The following GRIP1 variants were observed in gnomAD, a reference collection of about 807,000 sequenced individuals.
The protein encoded by GRIP1 is glutamate receptor interacting protein 1, also known as glutamate receptor-interacting protein 1.
A neutral mutation model predicts 129.9 loss-of-function variants in GRIP1; 45 were observed. The ratio of observed to expected loss-of-function variants is 0.35; its 90% CI spans 0.27 to 0.44. The LOEUF (loss-of-function observed/expected upper bound fraction) is 0.44. Among genes scored for constraint, GRIP1 ranks in the 20% least tolerant of loss-of-function variants. The probability of loss-of-function intolerance (pLI) is 1.00; values close to 1 mark genes in which losing one functional copy is unlikely to be tolerated. For missense variants in GRIP1, 1,196 were observed against 1,396.8 expected (o/e 0.86, Z 2.29); for synonymous variants, 530 against 520.8 (o/e 1.02, Z -0.24).
At chr12:66,422,523 C>T (rs948937738) in intron 14 of GRIP1, among the ~76,000 whole-genome samples, 3 of 152,136 alleles carry the variant, frequency 2.0e-5, no homozygotes, top group African/African-American at 7.2e-5. Context: ...TGAATTGACA[C>T]AATATTTTTG....
chr12:66,670,796 T>C (rs2034044162), intron 1 of GRIP1, among the ~76,000 whole-genome samples: 1 of 152,144 alleles, frequency 6.6e-6, no homozygotes. Flanking sequence ...CAGTCAGATA[T>C]GGTGTCTCTT....
intron 1 of GRIP1, among the ~76,000 whole-genome samples, chr12:66,614,409 C>G (rs1468091117): frequency 6.6e-6 from 1 of 152,014 alleles, no homozygotes; most frequent in Non-Finnish European, 1.5e-5. Context: ...ATAATCACAC[C>G]AAAAACATCT....
intron 1 of GRIP1, among the ~76,000 whole-genome samples, chr12:66,843,447 T>C (rs1432554444): frequency 1.3e-5 from 2 of 152,140 alleles, no homozygotes; most frequent in African/African-American, 4.8e-5. Context: ...ATGGATTTTT[T>C]GGTCAAATTC....
chr12:66,917,933 A>G (rs574120906), intron 1 of GRIP1, among the ~76,000 whole-genome samples: 2 of 150,710 alleles, frequency 1.3e-5, no homozygotes, highest in Admixed American at 6.7e-5. Flanking sequence ...AAGAGAACCA[A>G]TAAGAGATGT....
intron 1 of GRIP1, among the ~76,000 whole-genome samples, chr12:67,064,818 T>C (rs1352803317): frequency 2.6e-5 from 4 of 151,468 alleles, no homozygotes; most frequent in Non-Finnish European, 5.9e-5. Flanking sequence ...TAGTTACATA[T>C]GTATACATGT....
Position 66,377,026 on chromosome 12 carries a change from C to T in GRIP1, c.2769G>A (p.Met923Ile). ...KADRRVSLRN[M>I]TLLATIMSGS... ...CATAAAGGGTAGCTACCAAGAGAGT[C>T]ATGTTTCTCAAAGACACACGCCTGT... Residue 923 changes from methionine to isoleucine, a missense_variant, in exon 22 of 25, where the codon ATG becomes ATA. By Grantham distance (10) the Met-to-Ile change is conservative. Transcript: ENST00000359742. The T allele has an allele frequency of 1.2e-6, 2 of 1,611,014 alleles. No individual in the cohort carries two copies. Among genetic ancestry groups the T allele is most frequent in the Non-Finnish European group, 1.7e-6 (2 of 1,177,200 alleles).
intron 1 of GRIP1, among the ~76,000 whole-genome samples, chr12:66,661,882 T>C (rs2033531638): frequency 6.6e-6 from 1 of 152,296 alleles, no homozygotes; most frequent in Non-Finnish European, 1.5e-5. Context: ...GCACTTAATG[T>C]AATCATTTCA....
At chr12:66,510,509 G>T (rs1289053353) in intron 7 of GRIP1, among the ~76,000 whole-genome samples, 1 of 152,108 alleles carries the variant, frequency 6.6e-6, no homozygotes, top group African/African-American at 2.4e-5. Flanking sequence ...CCACTTACAT[G>T]ATTGACAGGC....
At chr12:66,445,567 C>T (rs2058599453) in intron 11 of GRIP1, 59 bp from the exon 12 acceptor site, 1 of 1,256,222 alleles carries the variant, frequency 8.0e-7, no homozygotes, top group Non-Finnish European at 1.1e-6. Context: ...GGAATACCAG[C>T]ATTTCCAAAA....
At chr12:67,012,049 T>C (rs1252586266) in intron 1 of GRIP1, among the ~76,000 whole-genome samples, 1 of 152,190 alleles carries the variant, frequency 6.6e-6, no homozygotes, top group African/African-American at 2.4e-5. Flanking sequence ...TCACCACTCA[T>C]GTCTGTTGTC....
chr12:66,505,691 T>TA (rs1404879398), intron 7 of GRIP1, among the ~76,000 whole-genome samples: 2 of 152,208 alleles, frequency 1.3e-5, no homozygotes, highest in Admixed American at 1.3e-4. Flanking sequence ...TTTAATTCTT[T>TA]AAAAAAATTC....
chr12:66,355,934 T>C (rs2137108591), intron 23 of GRIP1, among the ~76,000 whole-genome samples: 1 of 152,266 alleles, frequency 6.6e-6, no homozygotes, highest in South Asian at 2.1e-4. Flanking sequence ...AAGAGAGATT[T>C]AATTCTGGAG....
At chr12:66,450,303 CAAAAAAAAAAAAAAA>C (rs143013040) in intron 11 of GRIP1, among the ~76,000 whole-genome samples, 3 of 26,802 alleles carry the variant, frequency 1.1e-4, no homozygotes, top group African/African-American at 4.6e-4. Flanking sequence ...GACTCCATCT[CAAAAAAAAAAAAAAA>C]AAAAAAAAAA....
At position 66,542,718 on chromosome 12, in the gene GRIP1, T is replaced by G. The variant is rs1389330; in HGVS notation, c.137-768A>C. ...GTAAGAATATCCTTCCCTTCAAAAATAAAAATGAGTAGAGTCAATATTTAC... is the reference window on the plus strand; with the variant it reads ...GTAAGAATATCCTTCCCTTCAAAAAGAAAAATGAGTAGAGTCAATATTTAC... On this transcript the variant is annotated intron_variant, in intron 2 of 24. Coordinates refer to ENST00000359742, the MANE Select transcript of GRIP1 (RefSeq NM_001366722.1). Among the ~76,000 whole-genome samples the G allele has an allele frequency of 7.4e-3, 1,125 of 152,272 alleles. 13 individuals carry two copies. The highest frequency in any genetic ancestry group is 0.026 in the African/African-American group (1,060 of 41,564).
chr12:66,531,252 A>AAAAATATAT (rs1565833708), intron 4 of GRIP1, among the ~76,000 whole-genome samples: 1 of 19,476 alleles, frequency 5.1e-5, no homozygotes, highest in Non-Finnish European at 7.5e-5. Flanking sequence ...AAAAAAAAAA[A>AAAAATATAT]ATATATATAT....
chr12:66,708,918 G>A (rs1248779106), intron 1 of GRIP1, among the ~76,000 whole-genome samples: 1 of 151,550 alleles, frequency 6.6e-6, no homozygotes, highest in Non-Finnish European at 1.5e-5. Flanking sequence ...TCAAGAAGTT[G>A]ACACGAAAGA....
intron 1 of GRIP1, among the ~76,000 whole-genome samples, chr12:66,662,317 T>C (rs74098223): frequency 6.6e-6 from 1 of 152,152 alleles, no homozygotes; most frequent in African/African-American, 2.4e-5. Flanking sequence ...TCCTCTGAAG[T>C]CTCTCTCTCC....
intron 1 of GRIP1, among the ~76,000 whole-genome samples, chr12:66,677,029 G>A (rs1295118247): frequency 1.3e-5 from 2 of 152,080 alleles, no homozygotes; most frequent in Admixed American, 6.6e-5. Flanking sequence ...ACCCAATTAT[G>A]GCAAATTGAT....
At chr12:66,690,740 T>A (rs375725964) in intron 1 of GRIP1, among the ~76,000 whole-genome samples, 4,958 of 149,748 alleles carry the variant, frequency 0.033, 97 homozygotes, top group Middle Eastern at 0.044. Context: ...AAATTTTTTT[T>A]AATTTTTATT....
Sources: gnomAD v4.1 joint callset for allele counts (sites outside exome capture counted in the v4.1 genomes callset) on GRCh38, gnomAD v4.1.1 for gene constraint, MANE v1.5 for transcripts, NCBI Gene and HGNC (gene_info 2026-07-23, HGNC 2026-07-21) for gene names.